The following TRPM3 variants were observed in gnomAD, a reference collection of about 807,000 sequenced individuals.
TRPM3 encodes the protein long transient receptor potential channel 3.
In TRPM3, 77 loss-of-function variants were observed where a neutral mutation model predicts 181.2. That is an observed-to-expected ratio of 0.42 (90% CI 0.35 to 0.51). The LOEUF (loss-of-function observed/expected upper bound fraction) is 0.51, where lower values mean the gene tolerates loss of function less well. TRPM3 is among the 20% of genes least tolerant of loss of function. TRPM3 has a pLI of 0.01. For missense variants in TRPM3, 1,759 were observed against 2,196.7 expected, an observed-to-expected ratio of 0.80 and a Z score of 3.98; for synonymous variants, 745 against 796.4, an observed-to-expected ratio of 0.94 and a Z score of 1.09.
chr9:70,987,681 T>C (rs1235530550), intron 1 of TRPM3, among the ~76,000 whole-genome samples: 1 of 152,140 alleles, frequency 6.6e-6, no homozygotes, highest in Non-Finnish European at 1.5e-5. Context: ...TACTATAAGA[T>C]ATTGTTAATC....
chr9:71,419,630 C>A (rs1259042578), intron 1 of TRPM3, among the ~76,000 whole-genome samples: 1 of 151,876 alleles, frequency 6.6e-6, no homozygotes, highest in Non-Finnish European at 1.5e-5. Flanking sequence ...ATACATATCA[C>A]AATCCATATG....
intron 1 of TRPM3, among the ~76,000 whole-genome samples, chr9:71,395,276 T>C (rs2093163674): frequency 6.6e-6 from 1 of 152,218 alleles, no homozygotes. Flanking sequence ...GGCACTTAAT[T>C]ATGTGATTTC....
In TRPM3 at chr9:70,948,254, TCTTC is replaced by T. The variant is rs530457373; in HGVS notation, c.178-83747_178-83744del. Among the ~76,000 whole-genome samples the T allele has an allele frequency of 1.2e-3, 181 of 152,270 alleles. 1 individual carries two copies. Among genetic ancestry groups the T allele is most frequent in the African/African-American group, 4.2e-3 (175 of 41,564 alleles). ...TCTTCTCCTGGACTTGAAAGAAGCT[TCTTC>T]CTTAAGAACCCCTTCTCAAATATAA... On this transcript the variant is annotated intron_variant, in intron 1 of 25. Transcript: ENST00000677713.
rs796770639 is a variant in TRPM3 at position 71,350,002 on chromosome 9, TGG to T, written c.183+96649_183+96650del. Among the ~76,000 whole-genome samples the T allele has an allele frequency of 0.011, 66 of 5,760 alleles. 2 individuals are homozygous for T. In the Middle Eastern group the frequency reaches 0.25, roughly 22 times the overall value. 3.8% of individuals were successfully genotyped at this position (5,760 alleles called of 152,430 possible). On this transcript the variant is annotated intron_variant, in intron 1 of 24. Coordinates refer to the TRPM3 transcript ENST00000357533. ...ATATATATATATATATATATATATA[TGG>T]GCCTAAAAAATGACCTGTGTAGAAG...
intron 1 of TRPM3, among the ~76,000 whole-genome samples, chr9:71,431,389 A>C (rs2093951514): frequency 6.6e-6 from 1 of 152,172 alleles, no homozygotes; most frequent in Non-Finnish European, 1.5e-5. Flanking sequence ...ATACAATTAT[A>C]TTGCCCTATT....
intron 1 of TRPM3, among the ~76,000 whole-genome samples, chr9:71,158,484 G>C (rs1341241347): frequency 6.6e-6 from 1 of 152,134 alleles, no homozygotes; most frequent in Non-Finnish European, 1.5e-5. Flanking sequence ...AATGTTCAAA[G>C]AGAGTTAAGA....
intron 1 of TRPM3, among the ~76,000 whole-genome samples, chr9:71,133,233 C>G (rs988663404): frequency 3.5e-4 from 51 of 147,464 alleles, no homozygotes; most frequent in African/African-American, 1.1e-3. Context: ...ATACATTTAT[C>G]TGGTAACTTA....
In TRPM3 at chr9:71,058,143, C is replaced by T. The variant is rs1298357366; in HGVS notation, c.177+63035G>A. On this transcript the variant is annotated intron_variant, in intron 1 of 25. Coordinates refer to ENST00000677713, the MANE Select transcript of TRPM3 (RefSeq NM_001366145.2). ...GTCCAACACAAGCCTTGATATTTCC[C>T]GAATAATATTAGATACATGTTTTAA... Among the ~76,000 whole-genome samples, 9 of 152,052 alleles carry T rather than the reference C, an allele frequency of 5.9e-5. No individual in the cohort carries two copies. In the South Asian group the frequency reaches 8.3e-4, roughly 14 times the overall value.
chr9:70,810,957 T>A (rs76232293), intron 6 of TRPM3, among the ~76,000 whole-genome samples: 1 of 152,130 alleles, frequency 6.6e-6, no homozygotes, highest in East Asian at 1.9e-4. Flanking sequence ...AGTATCCCAA[T>A]AGTGCCGTCA....
At chr9:71,106,895 T>G (rs1591462894) in intron 1 of TRPM3, among the ~76,000 whole-genome samples, 1 of 152,124 alleles carries the variant, frequency 6.6e-6, no homozygotes, top group South Asian at 2.1e-4. Context: ...AAAGTGAAGA[T>G]CCCTCCTACA....
intron 21 of TRPM3, among the ~76,000 whole-genome samples, chr9:70,594,734 T>C (rs2058711942): frequency 6.6e-6 from 1 of 152,180 alleles, no homozygotes; most frequent in African/African-American, 2.4e-5. Context: ...TGATTGTGTG[T>C]CCAGGAATCT....
chr9:71,246,963 C>CTAGATT (rs2082068314), intron 1 of TRPM3, among the ~76,000 whole-genome samples: 2 of 152,092 alleles, frequency 1.3e-5, no homozygotes, highest in Admixed American at 1.3e-4. Context: ...TATTTCAAAC[C>CTAGATT]CCAGACTGTT....
chr9:71,034,935 C>G (rs371854011), intron 1 of TRPM3, among the ~76,000 whole-genome samples: 2 of 151,950 alleles, frequency 1.3e-5, no homozygotes, highest in East Asian at 3.9e-4. Flanking sequence ...CTACCTCACA[C>G]GTGCATTTAA....
At chr9:70,942,690 G>A (rs1357508653) in intron 1 of TRPM3, among the ~76,000 whole-genome samples, 2 of 152,118 alleles carry the variant, frequency 1.3e-5, no homozygotes, top group Non-Finnish European at 2.9e-5. Flanking sequence ...GGATCAGATT[G>A]GATTGAATCC....
At chr9:70,839,011 C>T (rs2094484869) in intron 5 of TRPM3, among the ~76,000 whole-genome samples, 3 of 152,250 alleles carry the variant, frequency 2.0e-5, no homozygotes, top group Admixed American at 1.3e-4. Flanking sequence ...AGGCCGCTCC[C>T]TCACCTTCCA....
At chr9:71,238,962 C>A (rs1016477597) in intron 1 of TRPM3, among the ~76,000 whole-genome samples, 1 of 152,028 alleles carries the variant, frequency 6.6e-6, no homozygotes, top group Admixed American at 6.6e-5. Context: ...CTGCTGTCAC[C>A]AAAATACATA....
At chr9:70,805,601 A>G (rs1482913769) in intron 6 of TRPM3, among the ~76,000 whole-genome samples, 1 of 151,730 alleles carries the variant, frequency 6.6e-6, no homozygotes, top group African/African-American at 2.4e-5. Context: ...AGGGTCTTGG[A>G]ATTGGGTTTA....
intron 1 of TRPM3, among the ~76,000 whole-genome samples, chr9:71,221,443 T>C (rs1444818279): frequency 1.3e-5 from 2 of 152,198 alleles, no homozygotes; most frequent in African/African-American, 4.8e-5. Context: ...TTTAATCTAA[T>C]ATATCTAAAA....
At chr9:71,279,469 T>C (rs1036658099) in intron 1 of TRPM3, among the ~76,000 whole-genome samples, 3 of 152,140 alleles carry the variant, frequency 2.0e-5, no homozygotes, top group Admixed American at 2.0e-4. Context: ...AAAGGAAAAC[T>C]TTATAGGAGC....
Sources: allele counts gnomAD v4.1 joint callset (sites outside exome capture counted in the v4.1 genomes callset), GRCh38; gene constraint gnomAD v4.1.1; transcripts MANE v1.5; gene names NCBI Gene and HGNC (gene_info 2026-07-23, HGNC 2026-07-21).